Variants in MASP1 observed in about 807,000 individuals in gnomAD.
MASP1 encodes MBL associated serine protease 1, also known as mannan-binding lectin serine protease 1.
A neutral mutation model predicts 77.1 loss-of-function variants in MASP1; 59 were observed. The ratio of observed to expected loss-of-function variants is 0.77; its 90% CI spans 0.62 to 0.95. The LOEUF is 0.95. Ranked by LOEUF, MASP1 falls within the 40% of genes least tolerant of loss-of-function variation. MASP1 has a pLI of 0.00. For missense variants in MASP1, 885 were observed against 912.9 expected (o/e 0.97, Z 0.39); for synonymous variants, 362 against 354.5 (o/e 1.02, Z -0.24).
At chr3:187,262,813 AGAGTAGGCTAGTCAGCCT>A in intron 2 of MASP1, 93 bp from the exon 3 acceptor site, 1 of 1,117,488 alleles carries the variant, frequency 8.9e-7, no homozygotes, top group Non-Finnish European at 1.3e-6. Context: ...GGGCCACCCA[AGAGTAGGCTAGTCAGCCT>A]GAGAAACCCA....
intron 2 of MASP1, 129 bp downstream of exon 2, chr3:187,285,696 G>T: frequency 1.3e-6 from 1 of 784,228 alleles, no homozygotes; most frequent in Non-Finnish European, 2.2e-6. Flanking sequence ...ACCTTGACCT[G>T]AATTCATACC....
At chr3:187,238,295 G>T (rs1713338005) in intron 10 of MASP1, among the ~76,000 whole-genome samples, 1 of 152,242 alleles carries the variant, frequency 6.6e-6, no homozygotes. Flanking sequence ...TGGAAGTTCA[G>T]AGAAGGCAAG....
At chr3:187,220,143 G>T (rs776406681) in exon 16 of MASP1, 19 of 1,614,122 alleles carry the variant, frequency 1.2e-5, no homozygotes, top group Non-Finnish European at 1.6e-5. Flanking sequence ...CTCCGTAGCG[G>T]TCCTTCTTCC....
downstream of MASP1, among the ~76,000 whole-genome samples, chr3:187,231,328 C>T (rs531527125): frequency 3.9e-5 from 6 of 152,326 alleles, no homozygotes; most frequent in Non-Finnish European, 4.4e-5. Context: ...ACTTTTCATC[C>T]TAAAAATCAG....
chr3:187,221,970 C>T (rs577308900), intron 14 of MASP1, among the ~76,000 whole-genome samples: 9 of 152,294 alleles, frequency 5.9e-5, no homozygotes, highest in Non-Finnish European at 1.3e-4. Context: ...AAATCAAGAA[C>T]TGAATGGGCC....
At chr3:187,269,353 A>T (rs1716328000) in intron 2 of MASP1, among the ~76,000 whole-genome samples, 1 of 152,210 alleles carries the variant, frequency 6.6e-6, no homozygotes, top group Non-Finnish European at 1.5e-5. Context: ...AAAAGATTTT[A>T]AGGGAGCTAT....
At chr3:187,224,046 C>T (rs1425861390) in intron 13 of MASP1, among the ~76,000 whole-genome samples, 1 of 152,216 alleles carries the variant, frequency 6.6e-6, no homozygotes, top group African/African-American at 2.4e-5. Flanking sequence ...CTGTGCCTTT[C>T]CTGTTGGCTC....
intron 11 of MASP1, among the ~76,000 whole-genome samples, chr3:187,228,040 G>C (rs1020984726): frequency 2.0e-5 from 3 of 152,152 alleles, no homozygotes; most frequent in African/African-American, 7.2e-5. Context: ...AAGTATGAGG[G>C]CATTCCAGCT....
intron 11 of MASP1, among the ~76,000 whole-genome samples, chr3:187,228,320 T>C (rs796181121): frequency 6.7e-5 from 10 of 149,388 alleles, no homozygotes; most frequent in African/African-American, 2.5e-4. Context: ...TTTAAGAAAA[T>C]GAATTCATTC....
chr3:187,222,470 T>A (rs1003845404), intron 14 of MASP1, among the ~76,000 whole-genome samples: 4 of 152,130 alleles, frequency 2.6e-5, no homozygotes, highest in Non-Finnish European at 5.9e-5. Flanking sequence ...ATAATATATG[T>A]GGAAGAATTT....
chr3:187,246,666 T>C, intron 8 of MASP1: 1 of 988,776 alleles, frequency 1.0e-6, no homozygotes, highest in Non-Finnish European at 1.2e-6. Context: ...TGCTTTCAGG[T>C]GTGATCCTAT....
chr3:187,234,697 A>T lies in MASP1; in HGVS notation c.*987T>A. 7.8e-7 allele frequency: 1 copy of T among 1,287,070 alleles called. No homozygotes were observed. Among genetic ancestry groups the T allele is most frequent in the Non-Finnish European group, 1.0e-6 (1 of 988,654 alleles). The allele number at this position is 1,287,070 out of a possible 1,614,324, so 79.7% of individuals were successfully genotyped here. On this transcript the variant is annotated 3_prime_UTR_variant, in exon 11 of 11. Coordinates refer to ENST00000296280, the MANE Select transcript of MASP1 (RefSeq NM_139125.4). ...CCTGGCAGGATTTGGGTGACTTCTA[A>T]TGTGCCCACCCCACTCTTTCTTCCA... is the stretch of plus-strand genomic sequence containing the variant.
intron 13 of MASP1, chr3:187,225,228 A>AGCTGACAGTGTCT: frequency 7.3e-7 from 1 of 1,371,770 alleles, no homozygotes; most frequent in Non-Finnish European, 1.0e-6. Context: ...AGACACTGTC[A>AGCTGACAGTGTCT]GCTGACTTAA....
At chr3:187,285,023 G>C (rs1488646006) in intron 2 of MASP1, among the ~76,000 whole-genome samples, 1 of 152,144 alleles carries the variant, frequency 6.6e-6, no homozygotes, top group East Asian at 1.9e-4. Context: ...AAGCTGGAGA[G>C]AGCTTAGAAG....
At chr3:187,250,411 A>G in intron 7 of MASP1, 82 bp from the exon 8 acceptor site, 4 of 956,412 alleles carry the variant, frequency 4.2e-6, no homozygotes, top group South Asian at 1.3e-5. Context: ...AACCAACTCA[A>G]GCTCCACACG....
intron 2 of MASP1, among the ~76,000 whole-genome samples, chr3:187,275,742 A>T (rs1356845515): frequency 1.3e-5 from 2 of 152,086 alleles, no homozygotes; most frequent in African/African-American, 2.4e-5. Context: ...TGAATGTCGA[A>T]TGATAAGCCA....
At chr3:187,279,285 G>A (rs1392877885) in intron 2 of MASP1, among the ~76,000 whole-genome samples, 1 of 152,174 alleles carries the variant, frequency 6.6e-6, no homozygotes, top group Non-Finnish European at 1.5e-5. Context: ...CATTAGCATG[G>A]GGGAGCTATA....
chr3:187,218,649 G>A (rs1711875315), exon 16 of MASP1: 3 of 152,134 alleles, frequency 2.0e-5, no homozygotes, highest in Non-Finnish European at 4.4e-5. Flanking sequence ...AAGAGACCTG[G>A]AATTACTCCA....
Position 187,259,018 on chromosome 3 carries a change from C to T in MASP1, c.547+1723G>A, listed in dbSNP as rs184959627. ...CTCCCTATATTGATTTTCTTGCTCC[C>T]AGTAGACTGTAAGTTCTGTGAGTGC... is the stretch of plus-strand genomic sequence containing the variant. On this transcript the variant is annotated intron_variant, in intron 4 of 10. Transcript: ENST00000296280. Among the ~76,000 whole-genome samples, 154 of 152,264 alleles carry T rather than the reference C, an allele frequency of 1.0e-3. 1 individual carries two copies. The highest frequency in any genetic ancestry group is 1.8e-3 in the Non-Finnish European group (124 of 68,022).
Sources: gnomAD v4.1 joint callset for allele counts (sites outside exome capture counted in the v4.1 genomes callset) on GRCh38, gnomAD v4.1.1 for gene constraint, MANE v1.5 for transcripts, NCBI Gene and HGNC (gene_info 2026-07-23, HGNC 2026-07-21) for gene names.